Variants in CNTNAP2 observed in about 807,000 individuals in gnomAD.
CNTNAP2 encodes contactin-associated protein-like 2.
Under a neutral mutation model 155.2 loss-of-function variants are expected in CNTNAP2, and 98 were observed. That is an observed-to-expected ratio of 0.63 (90% CI 0.54 to 0.75). The LOEUF (loss-of-function observed/expected upper bound fraction) is 0.75, where lower values mean the gene tolerates loss of function less well. Ranked by LOEUF, CNTNAP2 falls within the 30% of genes least tolerant of loss-of-function variation. The pLI, the probability that CNTNAP2 is intolerant of heterozygous loss-of-function variation, is 0.00. For missense variants in CNTNAP2, 1,727 were observed against 1,688.1 expected (o/e 1.02, Z -0.40); for synonymous variants, 651 against 631.2 (o/e 1.03, Z -0.47).
At chr7:148,152,965 G>A (rs1805329089) in intron 17 of CNTNAP2, among the ~76,000 whole-genome samples, 1 of 141,316 alleles carries the variant, frequency 7.1e-6, no homozygotes, top group Non-Finnish European at 1.5e-5. Context: ...AGCTTGCAGT[G>A]AGCCGAGATC....
intron 15 of CNTNAP2, among the ~76,000 whole-genome samples, chr7:148,053,280 G>C (rs1465530079): frequency 6.6e-6 from 1 of 151,984 alleles, no homozygotes; most frequent in Non-Finnish European, 1.5e-5. Context: ...ATGGTTTTCT[G>C]ATTATTCCAA....
intron 1 of CNTNAP2, among the ~76,000 whole-genome samples, chr7:146,446,264 G>A (rs1724473): frequency 0.98 from 149,073 of 152,226 alleles, 73,032 homozygotes; most frequent in East Asian, 1. Context: ...CTAGAAAACA[G>A]TCTTGGAAAC....
intron 3 of CNTNAP2, among the ~76,000 whole-genome samples, chr7:147,042,487 A>G (rs933985310): frequency 2.6e-5 from 4 of 152,162 alleles, no homozygotes; most frequent in African/African-American, 9.6e-5. Context: ...ACAAACTTGC[A>G]TTTGTGTTGC....
intron 17 of CNTNAP2, among the ~76,000 whole-genome samples, chr7:148,165,697 A>G (rs1372739902): frequency 6.6e-6 from 1 of 152,170 alleles, no homozygotes; most frequent in Admixed American, 6.5e-5. Flanking sequence ...GGCGAAGCCA[A>G]CACATAGAAG....
chr7:147,100,824 A>C (rs1467812269), intron 4 of CNTNAP2, among the ~76,000 whole-genome samples: 2 of 152,194 alleles, frequency 1.3e-5, no homozygotes, highest in African/African-American at 4.8e-5. Context: ...GGAATCCAAA[A>C]CGGAACAATC....
chr7:147,198,240 T>C (rs1172455333), intron 8 of CNTNAP2, among the ~76,000 whole-genome samples: 1 of 145,032 alleles, frequency 6.9e-6, no homozygotes, highest in East Asian at 2.0e-4. Flanking sequence ...TCCTTTTTTT[T>C]TTTTTTTTTT....
intron 16 of CNTNAP2, among the ~76,000 whole-genome samples, chr7:148,129,431 A>AG (rs1254452584): frequency 4.6e-5 from 7 of 152,266 alleles, no homozygotes; most frequent in African/African-American, 1.7e-4. Context: ...GTCAACTAGG[A>AG]GGGGGTGCAA....
At chr7:148,382,960 C>T (rs963902192) in intron 21 of CNTNAP2, among the ~76,000 whole-genome samples, 1 of 152,218 alleles carries the variant, frequency 6.6e-6, no homozygotes, top group African/African-American at 2.4e-5. Context: ...TACTCAGTCT[C>T]ACCTCTGAGC....
chr7:148,066,545 C>T lies in CNTNAP2; in HGVS notation c.2384-51573C>T, dbSNP rs563692867. ...TGGAGTCTCACTCTTTCGCCCAGGC[C>T]GGAGTGCAGTGGTGCTATCTCGGCT... On this transcript the variant is annotated intron_variant, in intron 15 of 23. Coordinates refer to ENST00000361727, the MANE Select transcript of CNTNAP2 (RefSeq NM_014141.6). Among the ~76,000 whole-genome samples the T allele has an allele frequency of 6.6e-5, 10 of 151,852 alleles. No individual in the cohort carries two copies. The East Asian group carries it at 9.7e-4, about 15-fold the overall frequency.
chr7:146,380,379 A>G lies in CNTNAP2; in HGVS notation c.97+263406A>G, dbSNP rs560123148. 2.0e-5 allele frequency among the ~76,000 whole-genome samples: 3 copies of G among 152,318 alleles called. No homozygotes were observed. The South Asian group carries it at 6.2e-4, about 32-fold the overall frequency. On this transcript the variant is annotated intron_variant, in intron 1 of 23. Transcript: ENST00000361727. ...AAATGTGGTAATGGAGATCGGTTAA[A>G]TAAGAATTTCAAAACTAGAAGTGAT...
At chr7:147,501,371 A>G (rs1798808560) in intron 11 of CNTNAP2, among the ~76,000 whole-genome samples, 1 of 152,140 alleles carries the variant, frequency 6.6e-6, no homozygotes. Flanking sequence ...ATGCACTGAA[A>G]GTCGTAAGCA....
chr7:146,739,319 T>C (rs1332501159), intron 1 of CNTNAP2, among the ~76,000 whole-genome samples: 1 of 151,972 alleles, frequency 6.6e-6, no homozygotes, highest in Non-Finnish European at 1.5e-5. Context: ...TTGCTTTTGC[T>C]CTCCCAGGGG....
chr7:146,334,246 A>G (rs1338226053), intron 1 of CNTNAP2, among the ~76,000 whole-genome samples: 2 of 152,182 alleles, frequency 1.3e-5, no homozygotes, highest in African/African-American at 2.4e-5. Flanking sequence ...CCTGGCTAAC[A>G]CGGTGAAACC....
intron 1 of CNTNAP2, among the ~76,000 whole-genome samples, chr7:146,308,591 A>G (rs1310341893): frequency 1.3e-5 from 2 of 152,186 alleles, no homozygotes; most frequent in African/African-American, 2.4e-5. Context: ...ACGTCCATCA[A>G]TGATAGACTG....
Position 147,033,172 on chromosome 7 carries a change from A to ATATATATATATATG in CNTNAP2, c.403-10722_403-10721insGTATATATATATAT, listed in dbSNP as rs1554427660. ...CATATATATATATGTATATATATAT[A>ATATATATATATATG]TATATATATATATATATATATATAT... is the stretch of plus-strand genomic sequence containing the variant. On this transcript the variant is annotated intron_variant, in intron 3 of 23. Transcript: ENST00000361727. Among the ~76,000 whole-genome samples the ATATATATATATATG allele has an allele frequency of 3.0e-3, 139 of 46,588 alleles. 3 individuals are homozygous for ATATATATATATATG. The highest frequency in any genetic ancestry group is 0.011 in the African/African-American group (135 of 11,860). 30.6% of individuals were successfully genotyped at this position (46,588 alleles called of 152,430 possible). A position where few individuals can be genotyped will look rare whatever the true frequency, so the allele number is the denominator to read the frequency against.
chr7:147,479,198 A>G (rs527475211), intron 10 of CNTNAP2, among the ~76,000 whole-genome samples: 59 of 152,356 alleles, frequency 3.9e-4, no homozygotes, highest in African/African-American at 1.2e-3. Flanking sequence ...ACTCAAGTCT[A>G]AACTTTCTTT....
intron 1 of CNTNAP2, among the ~76,000 whole-genome samples, chr7:146,122,778 T>C (rs1272430263): frequency 6.6e-6 from 1 of 152,216 alleles, no homozygotes; most frequent in Non-Finnish European, 1.5e-5. Flanking sequence ...ACAGCCTATT[T>C]ACAAACTTTA....
chr7:146,383,908 A>G (rs1160927317), intron 1 of CNTNAP2, among the ~76,000 whole-genome samples: 1 of 152,158 alleles, frequency 6.6e-6, no homozygotes, highest in Non-Finnish European at 1.5e-5. Context: ...GGTTTTTGAT[A>G]GCATAATAAG....
At chr7:148,103,202 G>A (rs1393864009) in intron 15 of CNTNAP2, among the ~76,000 whole-genome samples, 1 of 140,214 alleles carries the variant, frequency 7.1e-6, no homozygotes, top group Non-Finnish European at 1.5e-5. Context: ...AGGGAGGTAT[G>A]TAGCTTTTTT....
Sources: allele counts gnomAD v4.1 joint callset (sites outside exome capture counted in the v4.1 genomes callset), GRCh38; gene constraint gnomAD v4.1.1; transcripts MANE v1.5; gene names NCBI Gene and HGNC (gene_info 2026-07-23, HGNC 2026-07-21).